The following ABL1 variants were observed in gnomAD, a reference collection of about 807,000 sequenced individuals.
ABL1 encodes ABL proto-oncogene 1, non-receptor tyrosine kinase.
Under a neutral mutation model 94.7 loss-of-function variants are expected in ABL1, and 11 were observed. The ratio of observed to expected loss-of-function variants is 0.12; its 90% CI spans 0.07 to 0.19. The LOEUF is 0.19. ABL1 is among the 10% of genes least tolerant of loss of function. The probability of loss-of-function intolerance (pLI) is 1.00; values close to 1 mark genes in which losing one functional copy is unlikely to be tolerated. For synonymous variants in ABL1, 656 were observed against 622.4 expected (o/e 1.05, Z -0.80); for missense variants, 1,082 against 1,489.4 (o/e 0.73, Z 4.50).
At chr9:130,714,272 T>C in exon 1 of ABL1, 1 of 1,527,014 alleles carries the variant, frequency 6.5e-7, no homozygotes, top group Non-Finnish European at 8.8e-7. Context: ...CTGACCGTTC[T>C]GGAAGATCTT....
At chr9:130,721,502 A>G (rs1224827025) in intron 1 of ABL1, among the ~76,000 whole-genome samples, 1 of 152,176 alleles carries the variant, frequency 6.6e-6, no homozygotes, top group Non-Finnish European at 1.5e-5. Context: ...TGAGCCCAGG[A>G]ATTCAAGACC....
chr9:130,820,488 A>C (rs966922429), intron 1 of ABL1, among the ~76,000 whole-genome samples: 1 of 152,108 alleles, frequency 6.6e-6, no homozygotes, highest in Non-Finnish European at 1.5e-5. Flanking sequence ...ACTCCCACCC[A>C]GTCTTGATCA....
At position 130,814,894 on chromosome 9, in the gene ABL1, T is replaced by A. The variant is rs1830262622; in HGVS notation, c.137-39170T>A. Reference sequence around the variant, plus strand: ...TCTGTCTCAAAAAAATAAAATAAAATAAAAATAAAGTTTAGTAAAATAAAA... The same window carrying A: ...TCTGTCTCAAAAAAATAAAATAAAAAAAAAATAAAGTTTAGTAAAATAAAA... On this transcript the variant is annotated intron_variant, in intron 1 of 10. Transcript: ENST00000372348. The surrounding 1 kb of genome is among the most constrained non-coding windows in gnomAD (Gnocchi z 4.4). Among the ~76,000 whole-genome samples the A allele has an allele frequency of 7.0e-6, 1 of 142,180 alleles. No individual in the cohort carries two copies. Among genetic ancestry groups the A allele is most frequent in the South Asian group, 2.1e-4 (1 of 4,760 alleles). The allele number at this position is 142,180 out of a possible 152,430, so 93.3% of individuals were successfully genotyped here. A position where few individuals can be genotyped will look rare whatever the true frequency, so the allele number is the denominator to read the frequency against.
intron 1 of ABL1, among the ~76,000 whole-genome samples, chr9:130,842,655 A>T (rs1315401613): frequency 6.6e-6 from 1 of 152,244 alleles, no homozygotes; most frequent in South Asian, 2.1e-4. Context: ...CTCTGGTGTC[A>T]GCTGACCCCG....
At chr9:130,878,341 G>A (rs915395977) in intron 7 of ABL1, 74 bp from the exon 8 acceptor site, 8 of 1,557,458 alleles carry the variant, frequency 5.1e-6, no homozygotes, top group Non-Finnish European at 7.0e-6. Flanking sequence ...TGCTGCAAAG[G>A]TAACTGATTT....
At chr9:130,748,107 T>C (rs1385461873) in intron 1 of ABL1, among the ~76,000 whole-genome samples, 1 of 152,210 alleles carries the variant, frequency 6.6e-6, no homozygotes, top group African/African-American at 2.4e-5. Context: ...TATCTCATCA[T>C]GGTTTTGCTT....
At chr9:130,755,260 A>G (rs551748788) in intron 1 of ABL1, among the ~76,000 whole-genome samples, 1 of 152,350 alleles carries the variant, frequency 6.6e-6, no homozygotes, top group South Asian at 2.1e-4. Flanking sequence ...AGAAAGGCAG[A>G]GGACACCAGT....
At chr9:130,855,432 A>G (rs1034568260) in intron 3 of ABL1, among the ~76,000 whole-genome samples, 8 of 152,186 alleles carry the variant, frequency 5.3e-5, no homozygotes, top group African/African-American at 1.9e-4. Flanking sequence ...AATGATAGAA[A>G]TCATCCCCAA....
rs35000986 is a variant in ABL1 at position 130,732,850 on chromosome 9, T to C, written c.136+18395T>C. ...CTAGCATGACCTTTAAGTCCTCCTT[T>C]AAGAGTACTGAATTTCTGCCAGGAG... On this transcript the variant is annotated intron_variant, in intron 1 of 10. Coordinates refer to the ABL1 transcript ENST00000372348. Among the ~76,000 whole-genome samples, 559 of 152,226 alleles carry C rather than the reference T, an allele frequency of 3.7e-3. 5 individuals are homozygous for C. The highest frequency in any genetic ancestry group is 0.013 in the African/African-American group (529 of 41,518).
At chr9:130,878,673 C>T (rs1321924064) in intron 8 of ABL1, 106 bp downstream of exon 8, 11 of 1,363,796 alleles carry the variant, frequency 8.1e-6, no homozygotes, top group Non-Finnish European at 1.0e-5. Context: ...TGAGCTCTCT[C>T]CATTCCAGTT....
At chr9:130,793,932 G>A (rs7850838) in intron 1 of ABL1, among the ~76,000 whole-genome samples, 37,175 of 152,038 alleles carry the variant, frequency 0.24, 6,026 homozygotes, top group African/African-American at 0.47. Context: ...CGTGCTCCTA[G>A]TGAGAATCTA....
At chr9:130,840,257 T>C (rs1320684923) in intron 1 of ABL1, among the ~76,000 whole-genome samples, 3 of 152,250 alleles carry the variant, frequency 2.0e-5, no homozygotes, top group African/African-American at 7.2e-5. Context: ...TAATACTTCC[T>C]GTCCTTGATT....
chr9:130,858,254 C>T (rs747435924), intron 3 of ABL1, among the ~76,000 whole-genome samples: 1 of 151,830 alleles, frequency 6.6e-6, no homozygotes, highest in African/African-American at 2.4e-5. Context: ...GAAAGGCCTG[C>T]GTATGGGATA....
At chr9:130,776,308 T>C (rs1430097312) in intron 1 of ABL1, among the ~76,000 whole-genome samples, 1 of 152,134 alleles carries the variant, frequency 6.6e-6, no homozygotes, top group Non-Finnish European at 1.5e-5. Context: ...TAAAAAGCTG[T>C]GGTGAGGCTG....
chr9:130,728,229 G>GTTTTTTTTTTTTTTTT (rs1412533462), intron 1 of ABL1, among the ~76,000 whole-genome samples: 1 of 74,710 alleles, frequency 1.3e-5, no homozygotes, highest in African/African-American at 1.3e-4. Context: ...ATGTCCAGCT[G>GTTTTTTTTTTTTTTTT]ATTTTTTTTT....
intron 1 of ABL1, among the ~76,000 whole-genome samples, chr9:130,829,613 T>TA (rs1039744012): frequency 3.9e-5 from 6 of 151,948 alleles, no homozygotes; most frequent in East Asian, 1.9e-4. Context: ...TGAAATGTTT[T>TA]AGTGATTGGA....
At chr9:130,745,090 T>TC (rs1831870761) in intron 1 of ABL1, among the ~76,000 whole-genome samples, 1 of 151,688 alleles carries the variant, frequency 6.6e-6, no homozygotes, top group African/African-American at 2.4e-5. Context: ...CTTTTTTTTT[T>TC]TTTTTTTGAG....
At chr9:130,818,537 A>G (rs921947434) in intron 1 of ABL1, among the ~76,000 whole-genome samples, 2 of 152,244 alleles carry the variant, frequency 1.3e-5, no homozygotes, top group Non-Finnish European at 2.9e-5. Flanking sequence ...TGGGTATTGT[A>G]GCTAAGAAAT....
intron 4 of ABL1, among the ~76,000 whole-genome samples, chr9:130,866,561 G>A (rs558413618): frequency 2.8e-4 from 43 of 152,054 alleles, no homozygotes; most frequent in South Asian, 8.3e-4. Context: ...TTTGCCAGCA[G>A]GGGGAGCAAG....
Sources: allele counts gnomAD v4.1 joint callset (sites outside exome capture counted in the v4.1 genomes callset), GRCh38; gene constraint gnomAD v4.1.1; non-coding constraint Gnocchi (gnomAD v3.1); transcripts MANE v1.5; gene names NCBI Gene and HGNC (gene_info 2026-07-23, HGNC 2026-07-21).